The following TDRD9 variants were observed in gnomAD, a reference collection of about 807,000 sequenced individuals.
TDRD9 encodes the protein ATP-dependent RNA helicase TDRD9.
Under a neutral mutation model 172.6 loss-of-function variants are expected in TDRD9, and 124 were observed. The observed-to-expected ratio is 0.72, with a 90% CI of 0.62 to 0.83. The LOEUF is 0.83. Among genes scored for constraint, TDRD9 ranks in the 40% least tolerant of loss-of-function variants. The pLI is 0.00. For missense variants in TDRD9, 1,479 were observed against 1,714.1 expected, an observed-to-expected ratio of 0.86 and a Z score of 2.42; for synonymous variants, 619 against 617.1, an observed-to-expected ratio of 1.00 and a Z score of -0.05.
At chr14:103,930,427 C>T (rs117716710) in intron 1 of TDRD9, among the ~76,000 whole-genome samples, 1,625 of 152,298 alleles carry the variant, frequency 0.011, 10 homozygotes, top group Middle Eastern at 0.017. Flanking sequence ...CCACCCATGT[C>T]GGCCTCCCAA....
chr14:103,963,536 A>T (rs1050301281), intron 3 of TDRD9, among the ~76,000 whole-genome samples: 1 of 152,228 alleles, frequency 6.6e-6, no homozygotes, highest in African/African-American at 2.4e-5. Context: ...GTTTTTATGA[A>T]GCAAATGACA....
intron 12 of TDRD9, among the ~76,000 whole-genome samples, chr14:103,996,112 G>T (rs1407142428): frequency 6.6e-6 from 1 of 152,188 alleles, no homozygotes; most frequent in Non-Finnish European, 1.5e-5. Flanking sequence ...GAGGGAGGCA[G>T]ATGTGGGGAG....
At chr14:104,004,843 C>G (rs2034384164) in intron 14 of TDRD9, among the ~76,000 whole-genome samples, 1 of 152,122 alleles carries the variant, frequency 6.6e-6, no homozygotes. Context: ...AGGATGTTTT[C>G]TGGTATCTAT....
Position 104,040,248 on chromosome 14 carries a change from A to T in TDRD9, c.3769A>T (p.Asn1257Tyr). Residue 1257 changes from asparagine to tyrosine, a missense_variant, in exon 33 of 36, where the codon AAT becomes TAT. Asn to Tyr is a moderately radical substitution (Grantham distance 143, BLOSUM62 -2). This residue lies in a region of TDRD9 where 1,413 missense variants were observed against 1,649.1 expected (regional missense o/e 0.86). Coordinates refer to ENST00000409874, the MANE Select transcript of TDRD9 (RefSeq NM_153046.3). The stretch of plus-strand genomic sequence containing the variant: ...TGGAGTCCTTTGTGGTTTGGGGTGG[A>T]ATCCAGCTACAGGGGCTTCCATACT... ...YTGVLCGLGW[N>Y]PATGASILPE... 1 of 1,551,288 alleles carries T rather than the reference A, an allele frequency of 6.4e-7. No homozygotes were observed. Among genetic ancestry groups the T allele is most frequent in the Non-Finnish European group, 8.7e-7 (1 of 1,146,720 alleles).
intron 34 of TDRD9, among the ~76,000 whole-genome samples, chr14:104,046,295 A>T (rs934140236): frequency 6.6e-6 from 1 of 152,102 alleles, no homozygotes; most frequent in Non-Finnish European, 1.5e-5. Flanking sequence ...TTTCGGTGCT[A>T]TATCTTAAAA....
intron 1 of TDRD9, among the ~76,000 whole-genome samples, chr14:103,938,440 A>ATATTTTTT (rs1334417901): frequency 2.2e-5 from 1 of 44,546 alleles, no homozygotes; most frequent in African/African-American, 9.2e-5. Flanking sequence ...ATATATATAT[A>ATATTTTTT]TTTTTTTTTT....
intron 12 of TDRD9, among the ~76,000 whole-genome samples, chr14:103,996,744 G>A (rs891528713): frequency 1.7e-4 from 26 of 152,190 alleles, no homozygotes; most frequent in African/African-American, 6.0e-4. Context: ...CACATTCGGG[G>A]TGGGTAGATA....
Position 103,949,945 on chromosome 14 carries a change from G to A in TDRD9, c.216-5719G>A, listed in dbSNP as rs373524823. Among the ~76,000 whole-genome samples the A allele has an allele frequency of 2.4e-4, 37 of 151,952 alleles. 1 individual carries two copies. The East Asian group carries it at 2.5e-3, about 10-fold the overall frequency. On this transcript the variant is annotated intron_variant, in intron 1 of 35. Transcript: ENST00000409874. ...CCCGCCTCGTCCTCCCAAAGTGCTG[G>A]GATTACAGGCATGAGCCACCATGCC...
intron 5 of TDRD9, among the ~76,000 whole-genome samples, chr14:103,968,764 C>A (rs1230250653): frequency 1.6e-5 from 1 of 60,634 alleles, no homozygotes. Context: ...CCACTGCACT[C>A]CAGCCTGGGC....
chr14:103,955,087 C>A (rs1298845765), intron 1 of TDRD9, among the ~76,000 whole-genome samples: 1 of 151,198 alleles, frequency 6.6e-6, no homozygotes, highest in Non-Finnish European at 1.5e-5. Flanking sequence ...CCACACCCGG[C>A]TCATTTCTAT....
At chr14:104,040,893 T>C (rs535950796) in intron 33 of TDRD9, among the ~76,000 whole-genome samples, 1 of 152,388 alleles carries the variant, frequency 6.6e-6, no homozygotes, top group African/African-American at 2.4e-5. Context: ...CATTTGAATC[T>C]AATAATAGAA....
At chr14:104,009,736 A>T (rs2034552723) in intron 20 of TDRD9, among the ~76,000 whole-genome samples, 3 of 152,080 alleles carry the variant, frequency 2.0e-5, no homozygotes, top group Admixed American at 6.6e-5. Context: ...CTTTCTTTAT[A>T]TCCTTATTCT....
At chr14:104,045,369 C>T (rs1340396976) in intron 34 of TDRD9, among the ~76,000 whole-genome samples, 3 of 144,144 alleles carry the variant, frequency 2.1e-5, no homozygotes, top group Non-Finnish European at 4.5e-5. Flanking sequence ...TTTTTATATT[C>T]CTCTTAGCCA....
At chr14:104,033,798 G>A (rs956605186) in intron 30 of TDRD9, among the ~76,000 whole-genome samples, 162 bp from the exon 31 acceptor site, 10 of 152,210 alleles carry the variant, frequency 6.6e-5, no homozygotes, top group Non-Finnish European at 1.3e-4. Context: ...AGGTGGTCCA[G>A]TAAAAGGAGA....
intron 7 of TDRD9, among the ~76,000 whole-genome samples, chr14:103,977,287 C>T (rs1160827264): frequency 2.6e-5 from 4 of 151,778 alleles, no homozygotes; most frequent in East Asian, 1.9e-4. Context: ...GTCAGGAGAT[C>T]GAGACCATCC....
intron 3 of TDRD9, 129 bp downstream of exon 3, chr14:103,963,305 T>A (rs1443357425): frequency 8.3e-6 from 5 of 605,382 alleles, no homozygotes; most frequent in Non-Finnish European, 1.4e-5. Flanking sequence ...GGTTCTGTGG[T>A]GGATAAGAGG....
chr14:103,987,316 TC>T (rs2033707495), intron 8 of TDRD9, among the ~76,000 whole-genome samples: 1 of 152,212 alleles, frequency 6.6e-6, no homozygotes, highest in African/African-American at 2.4e-5. Flanking sequence ...TCCCCTTATG[TC>T]TTTTCATGGC....
At chr14:103,954,476 G>C (rs1566736753) in intron 1 of TDRD9, among the ~76,000 whole-genome samples, 1 of 152,154 alleles carries the variant, frequency 6.6e-6, no homozygotes, top group African/African-American at 2.4e-5. Flanking sequence ...TTGTGCAGTA[G>C]GTGTTCAGTA....
chr14:104,031,257 C>T lies in TDRD9; in HGVS notation c.3432C>T (p.Asn1144=), dbSNP rs1362718005. The T allele has an allele frequency of 6.5e-7, 1 of 1,548,694 alleles. No homozygotes were observed. The highest frequency in any genetic ancestry group is 8.7e-7 in the Non-Finnish European group (1 of 1,145,976). The change falls in exon 29 of 36, where the codon AAC becomes AAT. Residue 1144 remains asparagine, a synonymous_variant. Transcript: ENST00000409874. ...CTACCAATAAACTGGGTACTCCAAACTGTAAGGTGATTGTAGGAGTTTTAA... is the reference window on the plus strand; with the variant it reads ...CTACCAATAAACTGGGTACTCCAAATTGTAAGGTGATTGTAGGAGTTTTAA... ...SFSTNKLGTP[N]CKAELHGPFN...
Sources: allele counts gnomAD v4.1 joint callset (sites outside exome capture counted in the v4.1 genomes callset), GRCh38; gene constraint gnomAD v4.1.1; regional missense constraint gnomAD v4.1.1; transcripts MANE v1.5; gene names NCBI Gene and HGNC (gene_info 2026-07-23, HGNC 2026-07-21).